The following THSD7B variants were observed in gnomAD, a reference collection of about 807,000 sequenced individuals.
THSD7B encodes the protein thrombospondin type 1 domain containing 7B.
A neutral mutation model predicts 213.6 loss-of-function variants in THSD7B; 138 were observed. That is an observed-to-expected ratio of 0.65 (90% CI 0.56 to 0.74). THSD7B has a LOEUF of 0.74. Among genes scored for constraint, THSD7B ranks in the 30% least tolerant of loss-of-function variants. The pLI is 0.00. For missense variants in THSD7B, 1,931 were observed against 1,991.5 expected (o/e 0.97, Z 0.58); for synonymous variants, 742 against 687.0 (o/e 1.08, Z -1.25).
intron 2 of THSD7B, among the ~76,000 whole-genome samples, chr2:136,944,329 G>T (rs902477679): frequency 6.6e-6 from 1 of 152,192 alleles, no homozygotes; most frequent in Admixed American, 6.5e-5. Flanking sequence ...GAATAAGTGT[G>T]ATGTGGAGCT....
chr2:137,098,173 C>G (rs1284803949), intron 4 of THSD7B, among the ~76,000 whole-genome samples: 1 of 152,168 alleles, frequency 6.6e-6, no homozygotes, highest in Non-Finnish European at 1.5e-5. Flanking sequence ...AGTTAATTCA[C>G]CTTATTTCTC....
Position 136,980,678 on chromosome 2 carries a change from T to C in THSD7B, c.140-75742T>C, listed in dbSNP as rs1196669222. The stretch of plus-strand genomic sequence containing the variant: ...TGGTCATCTGAGGCAGTCTCCAGCC[T>C]GCTGTTGCTGGCTGCCAGCTGAGCG... On this transcript the variant is annotated intron_variant, in intron 2 of 27. Transcript: ENST00000409968. 2.6e-5 allele frequency among the ~76,000 whole-genome samples: 4 copies of C among 152,202 alleles called. No homozygotes were observed. The East Asian group carries it at 7.7e-4, about 29-fold the overall frequency.
intron 1 of THSD7B, among the ~76,000 whole-genome samples, chr2:136,853,628 G>A (rs185049987): frequency 2.6e-5 from 4 of 152,260 alleles, no homozygotes; most frequent in African/African-American, 9.6e-5. Flanking sequence ...GTAACATTTT[G>A]TGGGGAGATA....
chr2:136,823,114 A>ACT (rs1275133351), intron 1 of THSD7B, among the ~76,000 whole-genome samples: 1 of 152,224 alleles, frequency 6.6e-6, no homozygotes, highest in Admixed American at 6.5e-5. Context: ...ATTTAACGTG[A>ACT]AAGAGATGTG....
intron 12 of THSD7B, among the ~76,000 whole-genome samples, chr2:137,348,703 C>CTTTTTTTTTTTTTTTTTTTTTTT (rs80150345): frequency 3.2e-4 from 36 of 110,902 alleles, no homozygotes; most frequent in Non-Finnish European, 5.3e-4. Context: ...CTATGAACTC[C>CTTTTTTTTTTTTTTTTTTTTTTT]TTTTTTTTTT....
chr2:137,104,668 A>C (rs1429327825), intron 4 of THSD7B, among the ~76,000 whole-genome samples: 1 of 152,192 alleles, frequency 6.6e-6, no homozygotes, highest in Non-Finnish European at 1.5e-5. Context: ...TAGCCAGACT[A>C]ATAAAGAATA....
Position 137,642,764 on chromosome 2 carries a change from G to T in THSD7B, c.3945+131G>T. On this transcript the variant is annotated intron_variant, in intron 21 of 27. Coordinates refer to ENST00000409968, the MANE Select transcript of THSD7B (RefSeq NM_001316349.2). Reference sequence around the variant, plus strand: ...TGGCACAATGTATTTTTAATGCAATGCAGAACATGGAAAAATACAACCAAA... The same window carrying T: ...TGGCACAATGTATTTTTAATGCAATTCAGAACATGGAAAAATACAACCAAA... 2.8e-6 allele frequency: 3 copies of T among 1,088,628 alleles called. 1 individual carries two copies. The South Asian group carries it at 5.0e-5, about 18-fold the overall frequency. 67.4% of individuals were successfully genotyped at this position (1,088,628 alleles called of 1,614,324 possible).
At chr2:137,644,291 A>C (rs1005611978) in intron 21 of THSD7B, among the ~76,000 whole-genome samples, 2 of 152,220 alleles carry the variant, frequency 1.3e-5, no homozygotes, top group Non-Finnish European at 2.9e-5. Context: ...GCTTCAATAA[A>C]CAAGTCTATA....
At chr2:136,931,326 T>C (rs1228960765) in intron 2 of THSD7B, among the ~76,000 whole-genome samples, 1 of 152,186 alleles carries the variant, frequency 6.6e-6, no homozygotes, top group Non-Finnish European at 1.5e-5. Context: ...TTGAGGAAAT[T>C]ATTGCTCAGG....
At chr2:137,496,440 A>G (rs1445632169) in intron 15 of THSD7B, among the ~76,000 whole-genome samples, 1 of 152,114 alleles carries the variant, frequency 6.6e-6, no homozygotes, top group African/African-American at 2.4e-5. Context: ...CCTCCCAATA[A>G]TGGGCCTATT....
intron 2 of THSD7B, among the ~76,000 whole-genome samples, chr2:136,890,318 T>C (rs530058979): frequency 0.13 from 162 of 1,228 alleles, 3 homozygotes; most frequent in Non-Finnish European, 0.29. Flanking sequence ...TTCTTCTTCT[T>C]CTTCTTCTTC....
At chr2:137,572,220 T>C (rs1438327045) in intron 16 of THSD7B, among the ~76,000 whole-genome samples, 186 bp from the exon 17 acceptor site, 1 of 152,198 alleles carries the variant, frequency 6.6e-6, no homozygotes, top group African/African-American at 2.4e-5. Context: ...GAATAAATGG[T>C]TCTGTACTGA....
At chr2:137,074,860 G>C (rs867775190) in intron 3 of THSD7B, among the ~76,000 whole-genome samples, 38 of 152,260 alleles carry the variant, frequency 2.5e-4, no homozygotes, top group African/African-American at 8.9e-4. Flanking sequence ...GGTTTGGCTG[G>C]ATATGAAATT....
chr2:137,299,531 A>T (rs1253565943), intron 12 of THSD7B, among the ~76,000 whole-genome samples: 1 of 152,076 alleles, frequency 6.6e-6, no homozygotes, highest in African/African-American at 2.4e-5. Flanking sequence ...TCCAAATTTC[A>T]ACTTGAATTT....
intron 15 of THSD7B, among the ~76,000 whole-genome samples, chr2:137,489,923 G>T (rs570355816): frequency 1.7e-3 from 254 of 151,600 alleles, no homozygotes; most frequent in Middle Eastern, 6.8e-3. Flanking sequence ...TGTTTTTTTT[G>T]TGTGTGTGTG....
Position 136,960,068 on chromosome 2 carries a change from C to T in THSD7B, c.139+77751C>T, listed in dbSNP as rs72983522. ...CAAATGAACCATTTGTGTATTCATT[C>T]AGGAACTTTCTTGTAATGGATTCAG... is the stretch of plus-strand genomic sequence containing the variant. On this transcript the variant is annotated intron_variant, in intron 2 of 27. Coordinates refer to ENST00000409968, the MANE Select transcript of THSD7B (RefSeq NM_001316349.2). Among the ~76,000 whole-genome samples, 595 of 152,254 alleles carry T rather than the reference C, an allele frequency of 3.9e-3. 2 individuals are homozygous for T. The highest frequency in any genetic ancestry group is 0.01 in the African/African-American group (428 of 41,546).
At chr2:136,901,383 CTT>C (rs957807870) in intron 2 of THSD7B, among the ~76,000 whole-genome samples, 8 of 152,240 alleles carry the variant, frequency 5.3e-5, no homozygotes, top group Admixed American at 2.0e-4. Flanking sequence ...TGACGTAAAA[CTT>C]TTCACCTTTT....
chr2:137,577,243 T>C (rs1043290163), intron 17 of THSD7B, among the ~76,000 whole-genome samples: 10 of 152,126 alleles, frequency 6.6e-5, no homozygotes, highest in African/African-American at 2.4e-4. Flanking sequence ...TGAGATGTAT[T>C]ATCACTTAGA....
intron 15 of THSD7B, among the ~76,000 whole-genome samples, chr2:137,520,790 A>G (rs1680170097): frequency 6.6e-6 from 1 of 152,352 alleles, no homozygotes; most frequent in Middle Eastern, 3.4e-3. Flanking sequence ...TTAAATTGCA[A>G]TTACATATTA....
Sources: allele counts gnomAD v4.1 joint callset (sites outside exome capture counted in the v4.1 genomes callset), GRCh38; gene constraint gnomAD v4.1.1; transcripts MANE v1.5; gene names NCBI Gene and HGNC (gene_info 2026-07-23, HGNC 2026-07-21).